Variants in NMNAT3 observed in about 807,000 individuals in gnomAD.
The protein encoded by NMNAT3 is nicotinamide nucleotide adenylyltransferase 3, also known as nicotinamide/nicotinic acid mononucleotide adenylyltransferase 3.
A neutral mutation model predicts 24.8 loss-of-function variants in NMNAT3; 21 were observed. That is an observed-to-expected ratio of 0.85 (90% CI 0.60 to 1.22). NMNAT3 has a LOEUF of 1.22. NMNAT3 is among the 50% of genes most tolerant of loss of function. NMNAT3 has a pLI of 0.00. For synonymous variants in NMNAT3, 136 were observed against 155.2 expected (o/e 0.88, Z 0.92); for missense variants, 387 against 436.6 (o/e 0.89, Z 1.01).
chr3:139,652,379 A>G (rs2057084275), intron 1 of NMNAT3, among the ~76,000 whole-genome samples: 1 of 152,220 alleles, frequency 6.6e-6, no homozygotes, highest in African/African-American at 2.4e-5. Flanking sequence ...GGGCACACAT[A>G]TTTCAATTAG....
rs202184588 is a variant in NMNAT3, at chr3:139,671,618, T to A, written c.-141+6087A>T. Reference sequence around the variant, plus strand: ...CAGTGGTATCCTTTCTCTCTCTCTCTCACACACACACACACACAAACATTA... The same window carrying A: ...CAGTGGTATCCTTTCTCTCTCTCTCACACACACACACACACACAAACATTA... On this transcript the variant is annotated intron_variant, in intron 1 of 6. Coordinates refer to ENST00000643695, the MANE Select transcript of NMNAT3 (RefSeq NM_001320510.2). Among the ~76,000 whole-genome samples, 908 of 150,628 alleles carry A rather than the reference T, an allele frequency of 6.0e-3. 9 individuals carry two copies. The highest frequency in any genetic ancestry group is 0.017 in the African/African-American group (717 of 41,112).
At chr3:139,594,394 C>G (rs958125186) in intron 3 of NMNAT3, among the ~76,000 whole-genome samples, 3 of 152,196 alleles carry the variant, frequency 2.0e-5, no homozygotes, top group Admixed American at 2.0e-4. Flanking sequence ...CAAGGAGGAA[C>G]TCGTACCATT....
chr3:139,601,107 C>G (rs2054694247), intron 3 of NMNAT3, among the ~76,000 whole-genome samples: 1 of 152,198 alleles, frequency 6.6e-6, no homozygotes, highest in Non-Finnish European at 1.5e-5. Flanking sequence ...TCAGGCAGTT[C>G]TGGCTGGGCA....
intron 6 of NMNAT3, chr3:139,569,272 C>T (rs1053431658): frequency 2.0e-5 from 3 of 151,792 alleles, no homozygotes; most frequent in East Asian, 1.9e-4. Flanking sequence ...ATACAGCACA[C>T]TGATGGGTCT....
At chr3:139,662,172 C>A (rs1414470328) in intron 1 of NMNAT3, among the ~76,000 whole-genome samples, 1 of 152,132 alleles carries the variant, frequency 6.6e-6, no homozygotes, top group Non-Finnish European at 1.5e-5. Flanking sequence ...CCAGACACAA[C>A]TCTCCCAGGC....
chr3:139,648,154 T>G (rs1002317899), intron 1 of NMNAT3, among the ~76,000 whole-genome samples: 5 of 152,156 alleles, frequency 3.3e-5, no homozygotes, highest in African/African-American at 1.2e-4. Context: ...ACGTTGTCCT[T>G]GTGATAGTGG....
At position 139,577,632 on chromosome 3, in the gene NMNAT3, G is replaced by A. The variant is rs182528044; in HGVS notation, c.575+1240C>T. Among the ~76,000 whole-genome samples the A allele has an allele frequency of 1.4e-3, 219 of 152,232 alleles. 2 individuals carry two copies. Among genetic ancestry groups the A allele is most frequent in the Non-Finnish European group, 2.4e-3 (165 of 68,000 alleles). ...TAGCCTAGATAAATGAGAAATGACTGCATGACTCATTCTAAAAGGATGATC... is the reference window on the plus strand; with the variant it reads ...TAGCCTAGATAAATGAGAAATGACTACATGACTCATTCTAAAAGGATGATC... On this transcript the variant is annotated intron_variant, in intron 5 of 6. Transcript: ENST00000643695.
At chr3:139,584,074 T>G (rs1312978340) in intron 3 of NMNAT3, 2 of 155,002 alleles carry the variant, frequency 1.3e-5, no homozygotes, top group Admixed American at 1.3e-4. Context: ...GAAGCTTTGC[T>G]TTCTGTTTCA....
chr3:139,592,721 G>A (rs1438542330), intron 3 of NMNAT3, among the ~76,000 whole-genome samples: 1 of 152,062 alleles, frequency 6.6e-6, no homozygotes, highest in East Asian at 1.9e-4. Flanking sequence ...GCCAAACTAA[G>A]CTTCATAAGT....
At chr3:139,574,637 T>A (rs552977377) in intron 5 of NMNAT3, among the ~76,000 whole-genome samples, 2 of 152,212 alleles carry the variant, frequency 1.3e-5, no homozygotes, top group South Asian at 2.1e-4. Flanking sequence ...GAAAAGCATA[T>A]GCTTTTCAGC....
At chr3:139,603,371 C>G (rs1436232221) in intron 3 of NMNAT3, among the ~76,000 whole-genome samples, 1 of 152,150 alleles carries the variant, frequency 6.6e-6, no homozygotes, top group African/African-American at 2.4e-5. Flanking sequence ...ATGCTTTGCC[C>G]ATGTTACCCA....
intron 1 of NMNAT3, among the ~76,000 whole-genome samples, chr3:139,662,849 A>C (rs1476960405): frequency 6.6e-6 from 1 of 151,808 alleles, no homozygotes; most frequent in African/African-American, 2.4e-5. Context: ...ATGACCCCCC[A>C]ATCAATATTA....
intron 3 of NMNAT3, among the ~76,000 whole-genome samples, chr3:139,608,221 G>C (rs1339780903): frequency 6.6e-6 from 1 of 152,176 alleles, no homozygotes; most frequent in Non-Finnish European, 1.5e-5. Context: ...TTGGCTGGCT[G>C]GTATAGCAGC....
chr3:139,671,041 C>A (rs1559977768), intron 1 of NMNAT3, among the ~76,000 whole-genome samples: 1 of 152,004 alleles, frequency 6.6e-6, no homozygotes, highest in Admixed American at 6.6e-5. Flanking sequence ...CAGGATGAGG[C>A]CACAAAGGTA....
Position 139,560,765 on chromosome 3 carries a change from T to C in NMNAT3, c.*245A>G. The C allele has an allele frequency of 2.0e-6, 1 of 494,750 alleles. No individual in the cohort carries two copies. The highest frequency in any genetic ancestry group is 3.5e-5 in the Admixed American group (1 of 28,548). The allele number at this position is 494,750 out of a possible 1,614,324, so 30.6% of individuals were successfully genotyped here. Reference sequence around the variant, plus strand: ...AGCAGCTCTGAGAGATTCTGCCTAATCCTAATGACCTGCCACACCATTTTA... The same window carrying C: ...AGCAGCTCTGAGAGATTCTGCCTAACCCTAATGACCTGCCACACCATTTTA... On this transcript the variant is annotated 3_prime_UTR_variant, in exon 7 of 7. Transcript: ENST00000643695.
intron 3 of NMNAT3, among the ~76,000 whole-genome samples, chr3:139,586,524 C>T (rs2053946990): frequency 6.6e-6 from 1 of 152,140 alleles, no homozygotes; most frequent in African/African-American, 2.4e-5. Flanking sequence ...CCAGGCTCTC[C>T]TTCCTGAGGG....
chr3:139,609,883 C>T (rs1427991392), intron 3 of NMNAT3: 1 of 152,370 alleles, frequency 6.6e-6, no homozygotes, highest in African/African-American at 2.4e-5. Context: ...CAGCCCAGAA[C>T]TCCTGGGCTC....
rs571525057 is a variant in NMNAT3, at chr3:139,593,784, C to T, written c.110-10576G>A. On this transcript the variant is annotated intron_variant, in intron 3 of 6. Transcript: ENST00000643695. ...CCAATGAGAACAAAGACACAACATA[C>T]CAGAATCTCTGGGACACATTCAAAG... Among the ~76,000 whole-genome samples, 1,199 of 147,826 alleles carry T rather than the reference C, an allele frequency of 8.1e-3. 2 individuals carry two copies. Among genetic ancestry groups the T allele is most frequent in the Admixed American group, 0.016 (230 of 14,796 alleles).
At chr3:139,608,060 A>G (rs2055024293) in intron 3 of NMNAT3, among the ~76,000 whole-genome samples, 1 of 152,116 alleles carries the variant, frequency 6.6e-6, no homozygotes, top group South Asian at 2.1e-4. Flanking sequence ...TGCTCTTTGC[A>G]TGGTTTCTCT....
Sources: gnomAD v4.1 joint callset for allele counts (sites outside exome capture counted in the v4.1 genomes callset) on GRCh38, gnomAD v4.1.1 for gene constraint, MANE v1.5 for transcripts, NCBI Gene and HGNC (gene_info 2026-07-23, HGNC 2026-07-21) for gene names.